The following PKHD1L1 variants were observed in gnomAD, a reference collection of about 807,000 sequenced individuals.
PKHD1L1 encodes PKHD1 like 1.
A neutral mutation model predicts 462.9 loss-of-function variants in PKHD1L1; 434 were observed. That is an observed-to-expected ratio of 0.94 (90% CI 0.87 to 1.02). The LOEUF (loss-of-function observed/expected upper bound fraction) is 1.02, where lower values mean the gene tolerates loss of function less well. Among genes scored for constraint, PKHD1L1 ranks in the 50% least tolerant of loss-of-function variants. PKHD1L1 has a pLI of 0.00. For synonymous variants in PKHD1L1, 1,781 were observed against 1,750.0 expected, an observed-to-expected ratio of 1.02 and a Z score of -0.44; for missense variants, 5,202 against 5,096.1, an observed-to-expected ratio of 1.02 and a Z score of -0.63.
intron 14 of PKHD1L1, 127 bp downstream of exon 14, chr8:109,401,715 G>T: frequency 1.9e-6 from 1 of 515,492 alleles, no homozygotes; most frequent in Non-Finnish European, 3.4e-6. Context: ...ATTTATAATT[G>T]GTCATTCTCT....
chr8:109,522,365 A>G (rs79662902), intron 74 of PKHD1L1, 28 bp downstream of exon 74: 2 of 1,502,048 alleles, frequency 1.3e-6, no homozygotes, highest in African/African-American at 1.4e-5. Context: ...GAAAAAATGC[A>G]TTTTTTGGGA....
intron 27 of PKHD1L1, among the ~76,000 whole-genome samples, chr8:109,430,480 G>A (rs955780375): frequency 4.6e-5 from 7 of 152,102 alleles, no homozygotes; most frequent in East Asian, 1.9e-4. Context: ...GAATATAATC[G>A]TGTCCTAGAT....
chr8:109,419,034 T>C, intron 21 of PKHD1L1, 63 bp from the exon 22 acceptor site: 2 of 1,370,736 alleles, frequency 1.5e-6, no homozygotes, highest in Non-Finnish European at 2.0e-6. Flanking sequence ...TAATGCTTTC[T>C]AAAGTGTATT....
intron 36 of PKHD1L1, 103 bp from the exon 37 acceptor site, chr8:109,443,573 G>C (rs1815935795): frequency 1.0e-6 from 1 of 954,976 alleles, no homozygotes; most frequent in South Asian, 1.8e-5. Context: ...AGATTTACCA[G>C]AATTTAAACC....
Position 109,444,965 on chromosome 8 carries a change from C to T in PKHD1L1, c.5096C>T (p.Pro1699Leu), listed in dbSNP as rs766072084. The T allele has an allele frequency of 3.1e-6, 5 of 1,613,816 alleles. No homozygotes were observed. In the South Asian group the frequency reaches 3.3e-5, roughly 11 times the overall value. Residue 1699 changes from proline to leucine, a missense_variant, in exon 38 of 78, where the codon CCA becomes CTA. By Grantham distance (98) the Pro-to-Leu change is moderately conservative (BLOSUM62 -3). Transcript: ENST00000378402. ...AGVKVLMGHF[P>L]CKVLSVNYTA... is the part of the protein sequence containing the mutation. ...GTAAAAGTCCTTATGGGTCATTTCCCATGTAAAGTTCTATCAGTGAATTAT... is the reference window on the plus strand; with the variant it reads ...GTAAAAGTCCTTATGGGTCATTTCCTATGTAAAGTTCTATCAGTGAATTAT...
intron 50 of PKHD1L1, among the ~76,000 whole-genome samples, chr8:109,471,678 T>C (rs1380746832): frequency 6.6e-6 from 1 of 152,204 alleles, no homozygotes; most frequent in Non-Finnish European, 1.5e-5. Context: ...TGCGCTTCTA[T>C]TTAGACAGCC....
At chr8:109,513,130 T>C (rs1012316576) in intron 71 of PKHD1L1, among the ~76,000 whole-genome samples, 5 of 151,380 alleles carry the variant, frequency 3.3e-5, no homozygotes, top group Admixed American at 6.6e-5. Context: ...TATACAATCA[T>C]GTCATCTGCA....
At chr8:109,395,801 A>G (rs1316236715) in intron 10 of PKHD1L1, among the ~76,000 whole-genome samples, 2 of 152,164 alleles carry the variant, frequency 1.3e-5, no homozygotes, top group African/African-American at 4.8e-5. Flanking sequence ...ACCAGTCACC[A>G]CTAAAGCCTG....
chr8:109,404,799 T>C, intron 15 of PKHD1L1, 86 bp downstream of exon 15: 1 of 1,356,026 alleles, frequency 7.4e-7, no homozygotes, highest in Non-Finnish European at 9.9e-7. Flanking sequence ...CTAGGTAAGA[T>C]ACTGTTTTAG....
chr8:109,402,504 C>T (rs1427433181), intron 14 of PKHD1L1, among the ~76,000 whole-genome samples: 1 of 152,064 alleles, frequency 6.6e-6, no homozygotes, highest in Non-Finnish European at 1.5e-5. Flanking sequence ...CGGTTTGTCA[C>T]ATTGTGGATA....
intron 50 of PKHD1L1, chr8:109,470,186 T>G (rs565018169): frequency 1.3e-6 from 1 of 792,284 alleles, no homozygotes; most frequent in African/African-American, 1.7e-5. Flanking sequence ...GAAAAGTATC[T>G]GGAGGATCCT....
chr8:109,494,738 T>C (rs1819005162), intron 63 of PKHD1L1, among the ~76,000 whole-genome samples: 1 of 151,930 alleles, frequency 6.6e-6, no homozygotes, highest in African/African-American at 2.4e-5. Context: ...AAGGAAAGTA[T>C]AAAAATCATA....
Position 109,436,478 on chromosome 8 carries a change from G to T in PKHD1L1, c.3627+19G>T. On this transcript the variant is annotated intron_variant, in intron 30 of 77. Coordinates refer to ENST00000378402, the MANE Select transcript of PKHD1L1 (RefSeq NM_177531.6). ...ACCAAAAGTAAGGCCTCTGATTTCA[G>T]TCACTTTTTCCTCCTAAGTCTGAAA... 6.2e-7 allele frequency: 1 copy of T among 1,609,918 alleles called. No individual in the cohort carries two copies. Among genetic ancestry groups the T allele is most frequent in the Non-Finnish European group, 8.5e-7 (1 of 1,178,764 alleles).
Position 109,528,393 on chromosome 8 carries a change from C to T in PKHD1L1, c.12721+1373C>T, listed in dbSNP as rs776675544. Among the ~76,000 whole-genome samples, 102 of 152,334 alleles carry T rather than the reference C, an allele frequency of 6.7e-4. 1 individual carries two copies. Among genetic ancestry groups the T allele is most frequent in the Non-Finnish European group, 7.6e-4 (52 of 68,026 alleles). On this transcript the variant is annotated intron_variant, in intron 77 of 77. Transcript: ENST00000378402. ...AAGGTCATGTAATGCTAACAGGAATCTCAAATCCTCAACTATTCCTCACTA... is the reference window on the plus strand; with the variant it reads ...AAGGTCATGTAATGCTAACAGGAATTTCAAATCCTCAACTATTCCTCACTA...
intron 18 of PKHD1L1, 41 bp downstream of exon 18, chr8:109,408,247 C>T (rs201237206): frequency 6.5e-7 from 1 of 1,547,874 alleles, no homozygotes; most frequent in Non-Finnish European, 8.8e-7. Flanking sequence ...TTTCCCTGCA[C>T]CCTCTCACAT....
Position 109,441,283 on chromosome 8 carries a change from C to A in PKHD1L1, c.4108C>A (p.Pro1370Thr), listed in dbSNP as rs1815776946. 6.4e-7 allele frequency: 1 copy of A among 1,565,468 alleles called. No homozygotes were observed. The highest frequency in any genetic ancestry group is 8.7e-7 in the Non-Finnish European group (1 of 1,149,710). ...GTATTTATTCTTTCTAGGGTCCATC[C>A]CTTGCAATGTTACATCATCATCAGA... ...AENTVLLGSI[P>T]CNVTSSSENV... The change falls in exon 34 of 78, where the codon CCT becomes ACT. Residue 1370 changes from proline (P) to threonine (T), a missense_variant. By Grantham distance (38) the Pro-to-Thr change is conservative. Around this residue, in one of 3 missense-constraint regions of PKHD1L1, gnomAD observed 4,497 missense variants for 4,336.8 expected, o/e 1.04. Transcript: ENST00000378402.
intron 63 of PKHD1L1, among the ~76,000 whole-genome samples, chr8:109,495,973 G>A (rs571745943): frequency 6.6e-6 from 1 of 152,172 alleles, no homozygotes; most frequent in Non-Finnish European, 1.5e-5. Context: ...TTTATTGAGA[G>A]TATTTGCTAG....
Position 109,436,349 on chromosome 8 carries a change from C to T in PKHD1L1, c.3517C>T (p.Leu1173=). ...CTTTTCTTATGAAGGTGGTACTCTA[C>T]TGACTTTATCTGGATTTGGCTTTAA... ...DSGSIAGGTL[L]TLSGFGFNEN... Residue 1173 remains leucine (L), a synonymous_variant, in exon 30 of 78, where the codon CTG becomes TTG. Transcript: ENST00000378402. 1 of 1,612,408 alleles carries T rather than the reference C, an allele frequency of 6.2e-7. No homozygotes were observed. Among genetic ancestry groups the T allele is most frequent in the Non-Finnish European group, 8.5e-7 (1 of 1,179,538 alleles).
At chr8:109,505,193 T>G (rs952790033) in intron 68 of PKHD1L1, among the ~76,000 whole-genome samples, 2 of 152,152 alleles carry the variant, frequency 1.3e-5, no homozygotes, top group Admixed American at 6.6e-5. Context: ...ACAATTTTTT[T>G]GTTTGTTTCT....
Sources: allele counts gnomAD v4.1 joint callset (sites outside exome capture counted in the v4.1 genomes callset), GRCh38; gene constraint gnomAD v4.1.1; regional missense constraint gnomAD v4.1.1; transcripts MANE v1.5; gene names NCBI Gene and HGNC (gene_info 2026-07-23, HGNC 2026-07-21).